Variants in SLC24A2 observed in about 807,000 individuals in gnomAD.
The protein encoded by SLC24A2 is solute carrier family 24 member 2.
SLC24A2 carries 36 observed loss-of-function variants against 62.0 expected under a neutral mutation model. The observed-to-expected ratio is 0.58, with a 90% CI of 0.44 to 0.77. The LOEUF (loss-of-function observed/expected upper bound fraction) is 0.77, where lower values mean the gene tolerates loss of function less well. SLC24A2 is among the 30% of genes least tolerant of loss of function. The pLI is 0.00. For synonymous variants in SLC24A2, 358 were observed against 294.0 expected, an observed-to-expected ratio of 1.22 and a Z score of -2.23; for missense variants, 846 against 817.9, an observed-to-expected ratio of 1.03 and a Z score of -0.42.
the SLC24A2 span, among the ~76,000 whole-genome samples, chr9:20,186,965 A>G: frequency 6.6e-6 from 1 of 152,154 alleles, no homozygotes; most frequent in Non-Finnish European, 1.5e-5. Flanking sequence ...TCTTGTCCCT[A>G]TGCACACTCT....
chr9:19,570,630 T>G (rs1014212119), intron 7 of SLC24A2, among the ~76,000 whole-genome samples: 2 of 152,244 alleles, frequency 1.3e-5, no homozygotes, highest in Non-Finnish European at 2.9e-5. Flanking sequence ...TAAATATGAA[T>G]ACATAATATC....
chr9:19,680,605 C>CATAT (rs3086327), intron 2 of SLC24A2, among the ~76,000 whole-genome samples: 3,215 of 147,618 alleles, frequency 0.022, 125 homozygotes, highest in African/African-American at 0.074. Flanking sequence ...AGTTCTATAA[C>CATAT]ATATATATAT....
intron 2 of SLC24A2, among the ~76,000 whole-genome samples, chr9:19,682,166 C>A (rs963000465): frequency 1.3e-5 from 2 of 152,096 alleles, no homozygotes; most frequent in Non-Finnish European, 2.9e-5. Context: ...TTTTCCAGAG[C>A]TAAGATTCTA....
At chr9:19,984,779 G>A in the SLC24A2 span, among the ~76,000 whole-genome samples, 1 of 152,222 alleles carries the variant, frequency 6.6e-6, no homozygotes, top group African/African-American at 2.4e-5. Flanking sequence ...TCGTTCAATA[G>A]CAAAAGAATA....
At chr9:20,092,901 G>A in the SLC24A2 span, among the ~76,000 whole-genome samples, 1 of 152,104 alleles carries the variant, frequency 6.6e-6, no homozygotes, top group Non-Finnish European at 1.5e-5. Context: ...TGGTTGCCAG[G>A]GACTGGGTGG....
intron 7 of SLC24A2, among the ~76,000 whole-genome samples, chr9:19,566,060 G>C (rs1286878454): frequency 1.3e-5 from 2 of 152,124 alleles, no homozygotes; most frequent in African/African-American, 4.8e-5. Flanking sequence ...CATGGGCAAG[G>C]ACTTCATGTC....
At chr9:20,186,183 A>T in the SLC24A2 span, among the ~76,000 whole-genome samples, 2 of 152,130 alleles carry the variant, frequency 1.3e-5, no homozygotes, top group East Asian at 3.8e-4. Flanking sequence ...ATGGCCCCTG[A>T]TCATTTGACC....
chr9:19,916,834 T>C, the SLC24A2 span, among the ~76,000 whole-genome samples: 3 of 151,934 alleles, frequency 2.0e-5, no homozygotes, highest in African/African-American at 7.2e-5. Flanking sequence ...TTAACATCCT[T>C]CTTAGGATAG....
At chr9:20,112,422 C>G in the SLC24A2 span, among the ~76,000 whole-genome samples, 2 of 152,136 alleles carry the variant, frequency 1.3e-5, no homozygotes, top group East Asian at 3.9e-4. Flanking sequence ...AGCCTTCCTT[C>G]CAGGTTAAAG....
intron 2 of SLC24A2, among the ~76,000 whole-genome samples, chr9:19,743,952 G>A (rs1821754688): frequency 6.6e-6 from 1 of 152,090 alleles, no homozygotes; most frequent in African/African-American, 2.4e-5. Context: ...ATTGCTTAGT[G>A]GCTTAAAATG....
chr9:19,647,981 T>C (rs946275625), intron 2 of SLC24A2, among the ~76,000 whole-genome samples: 2 of 152,128 alleles, frequency 1.3e-5, no homozygotes, highest in Non-Finnish European at 2.9e-5. Flanking sequence ...AGGGAACATG[T>C]ATGGAAGGCA....
intron 2 of SLC24A2, among the ~76,000 whole-genome samples, chr9:19,624,948 T>C (rs948556985): frequency 6.6e-6 from 1 of 152,190 alleles, no homozygotes; most frequent in African/African-American, 2.4e-5. Flanking sequence ...ACAAATTCAA[T>C]TTTAAAGGGG....
chr9:19,901,296 G>A, the SLC24A2 span, among the ~76,000 whole-genome samples: 28 of 152,304 alleles, frequency 1.8e-4, no homozygotes, highest in East Asian at 4.1e-3. Flanking sequence ...GGACTCAGGG[G>A]ATGCTGTACA....
At chr9:20,237,206 T>C in the SLC24A2 span, among the ~76,000 whole-genome samples, 1 of 152,222 alleles carries the variant, frequency 6.6e-6, no homozygotes, top group Admixed American at 6.5e-5. Flanking sequence ...TTGTTCTGCT[T>C]GAGCATAAAG....
At chr9:20,001,463 G>A in the SLC24A2 span, among the ~76,000 whole-genome samples, 42 of 152,146 alleles carry the variant, frequency 2.8e-4, no homozygotes, top group African/African-American at 8.9e-4. Context: ...AATCATTCTC[G>A]CCCAATCTGC....
At chr9:19,936,705 T>G in the SLC24A2 span, among the ~76,000 whole-genome samples, 2 of 152,170 alleles carry the variant, frequency 1.3e-5, no homozygotes, top group East Asian at 3.8e-4. Flanking sequence ...AATGCAAATA[T>G]AAAACATTTG....
At chr9:20,012,180 C>T in the SLC24A2 span, among the ~76,000 whole-genome samples, 2 of 152,206 alleles carry the variant, frequency 1.3e-5, no homozygotes, top group Admixed American at 1.3e-4. Context: ...CTGATAAAGA[C>T]ATACCTGAGA....
intron 2 of SLC24A2, among the ~76,000 whole-genome samples, chr9:19,663,347 C>T (rs62564193): frequency 0.061 from 9,274 of 152,216 alleles, 280 homozygotes; most frequent in East Asian, 0.089. Context: ...AGAAGCCTTC[C>T]GATCGCTTCA....
chr9:20,053,682 T>A, the SLC24A2 span, among the ~76,000 whole-genome samples: 3 of 152,134 alleles, frequency 2.0e-5, no homozygotes, highest in African/African-American at 7.2e-5. Context: ...ACTCCTTCCA[T>A]TATGGAGGTT....
Sources: allele counts gnomAD v4.1 joint callset (sites outside exome capture counted in the v4.1 genomes callset), GRCh38; gene constraint gnomAD v4.1.1; transcripts MANE v1.5; gene names NCBI Gene and HGNC (gene_info 2026-07-23, HGNC 2026-07-21).